Variants in CELF5 observed in about 807,000 individuals in gnomAD.
CELF5 encodes CUGBP Elav-like family member 5.
Under a neutral mutation model 54.9 loss-of-function variants are expected in CELF5, and 6 were observed. That is an observed-to-expected ratio of 0.11 (90% CI 0.06 to 0.22). CELF5 has a LOEUF of 0.22. Ranked by LOEUF, CELF5 falls within the 10% of genes least tolerant of loss-of-function variation. CELF5 has a pLI of 1.00. For missense variants in CELF5, 401 were observed against 678.6 expected, an observed-to-expected ratio of 0.59 and a Z score of 4.54; for synonymous variants, 271 against 290.9, an observed-to-expected ratio of 0.93 and a Z score of 0.70.
rs71164666 is a variant in CELF5 at position 3,226,440 on chromosome 19, TCACACACACACA to T, written c.259+1467_259+1478del. Among the ~76,000 whole-genome samples, 5 of 118,872 alleles carry T rather than the reference TCACACACACACA, an allele frequency of 4.2e-5. No individual in the cohort carries two copies. In the South Asian group the frequency reaches 1.6e-3, roughly 37 times the overall value. 78.0% of individuals were successfully genotyped at this position (118,872 alleles called of 152,430 possible). ...CCCCATCTCTTTTCAAAACCAACCA[TCACACACACACA>T]CACACACACACACACACACACACAA... On this transcript the variant is annotated intron_variant, in intron 1 of 12. Transcript: ENST00000292672.
rs56977899 is a variant in CELF5, at chr19:3,248,853, TCTTCCTTCCTTCCTTCCTTCCTTC to T, written c.260-2100_260-2077del. On this transcript the variant is annotated intron_variant, in intron 1 of 12. Transcript: ENST00000292672. ...CCTACTACAAACTTTTTTCTTTCTTTCTTCCTTCCTTCCTTCCTTCCTTCCTTCCTTCCTTCCTTCCTTCCTTCC... is the reference window on the plus strand; with the variant it reads ...CCTACTACAAACTTTTTTCTTTCTTTCTTCCTTCCTTCCTTCCTTCCTTCC... Among the ~76,000 whole-genome samples, 769 of 118,912 alleles carry T rather than the reference TCTTCCTTCCTTCCTTCCTTCCTTC, an allele frequency of 6.5e-3. 9 individuals are homozygous for T. The highest frequency in any genetic ancestry group is 0.021 in the Middle Eastern group (5 of 236). 78.0% of individuals were successfully genotyped at this position (118,912 alleles called of 152,430 possible).
chr19:3,273,993 C>T (rs1372752684), intron 3 of CELF5, 70 bp downstream of exon 3: 3 of 1,490,878 alleles, frequency 2.0e-6, no homozygotes, highest in Admixed American at 1.7e-5. Flanking sequence ...AAATCTCTTC[C>T]TTCCTCTCTC....
chr19:3,276,406 G>C (rs998684998), intron 4 of CELF5, among the ~76,000 whole-genome samples: 1 of 151,788 alleles, frequency 6.6e-6, no homozygotes, highest in Non-Finnish European at 1.5e-5. Flanking sequence ...AGGCTGCAAG[G>C]GTGGGGTCTT....
chr19:3,276,793 C>T (rs1431330973), intron 4 of CELF5, among the ~76,000 whole-genome samples: 1 of 108,512 alleles, frequency 9.2e-6, no homozygotes, highest in Non-Finnish European at 1.8e-5. Context: ...TGGGATGAGG[C>T]GGTGTCTGGT....
At chr19:3,248,756 G>T (rs143059342) in intron 1 of CELF5, among the ~76,000 whole-genome samples, 231 of 152,122 alleles carry the variant, frequency 1.5e-3, no homozygotes, top group African/African-American at 5.1e-3. Flanking sequence ...GCTGGCTTCC[G>T]TGGTAATTTT....
chr19:3,267,438 G>A (rs2079899104), intron 2 of CELF5, among the ~76,000 whole-genome samples: 1 of 152,186 alleles, frequency 6.6e-6, no homozygotes, highest in Non-Finnish European at 1.5e-5. Flanking sequence ...TGGAATTGAG[G>A]CTCAGATTCC....
intron 11 of CELF5, among the ~76,000 whole-genome samples, chr19:3,292,911 A>G (rs2080375060): frequency 6.6e-6 from 1 of 152,062 alleles, no homozygotes; most frequent in Admixed American, 6.6e-5. Context: ...CCTTCTGCAA[A>G]AAAAAGAGAG....
At chr19:3,280,304 G>A (rs1237236578) in intron 5 of CELF5, among the ~76,000 whole-genome samples, 1 of 152,234 alleles carries the variant, frequency 6.6e-6, no homozygotes, top group Non-Finnish European at 1.5e-5. Context: ...GGGGCTGGGC[G>A]TGGTGGCTGT....
At chr19:3,274,731 G>A (rs1484997347) in intron 3 of CELF5, among the ~76,000 whole-genome samples, 1 of 152,144 alleles carries the variant, frequency 6.6e-6, no homozygotes, top group Non-Finnish European at 1.5e-5. Context: ...AGCCAGATTT[G>A]GTTGAGTGGA....
At chr19:3,250,928 G>C in intron 1 of CELF5, 57 bp from the exon 2 acceptor site, 1 of 1,319,880 alleles carries the variant, frequency 7.6e-7, no homozygotes. Flanking sequence ...GGGTGGTGCT[G>C]CTGTGACCAT....
chr19:3,250,939 G>C, intron 1 of CELF5, 46 bp from the exon 2 acceptor site: 1 of 1,432,550 alleles, frequency 7.0e-7, no homozygotes, highest in Non-Finnish European at 9.8e-7. Flanking sequence ...CTGTGACCAT[G>C]GGTGTGCCCG....
At chr19:3,274,207 C>T (rs1440801888) in intron 3 of CELF5, among the ~76,000 whole-genome samples, 1 of 152,136 alleles carries the variant, frequency 6.6e-6, no homozygotes, top group Non-Finnish European at 1.5e-5. Context: ...GTTTGAAATA[C>T]TCCACTCCCT....
rs1199081852 is a variant in CELF5, at chr19:3,282,275, T to C, written c.892+8T>C. The stretch of plus-strand genomic sequence containing the variant: ...CCATCGCTCCTGCCTCTGGTGAGCC[T>C]CCTCCAGGCACCCAAGGATGGGTGG... On this transcript the variant is annotated splice_region_variant and intron_variant, in intron 7 of 12. Transcript: ENST00000292672. This position sits in a 1 kb window ranked among gnomAD's most constrained non-coding sequence, Gnocchi z 5.2. The C allele has an allele frequency of 2.5e-6, 4 of 1,611,204 alleles. No homozygotes were observed. The highest frequency in any genetic ancestry group is 3.4e-6 in the Non-Finnish European group (4 of 1,179,970).
At chr19:3,272,370 G>A (rs759049) in intron 2 of CELF5, among the ~76,000 whole-genome samples, 68,155 of 147,166 alleles carry the variant, frequency 0.46, 15,700 homozygotes, top group East Asian at 0.68. Context: ...TCCGTCCCAA[G>A]AAAAAAAAAG....
chr19:3,247,865 G>A (rs549458419), intron 1 of CELF5, among the ~76,000 whole-genome samples: 1 of 152,012 alleles, frequency 6.6e-6, no homozygotes, highest in South Asian at 2.1e-4. Flanking sequence ...GGGTTCAAAC[G>A]ATTCTCATGA....
rs2079910115 is a variant in CELF5 at position 3,268,208 on chromosome 19, A to C, written c.343-5664A>C. Reference sequence around the variant, plus strand: ...GAGATGCGGTTTTACCGTGTTGGCCAGGCTGGTCTCGAACTCCTGACCTCA... The same window carrying C: ...GAGATGCGGTTTTACCGTGTTGGCCCGGCTGGTCTCGAACTCCTGACCTCA... On this transcript the variant is annotated intron_variant, in intron 2 of 12. Transcript: ENST00000292672. This position sits in a 1 kb window ranked among gnomAD's most constrained non-coding sequence, Gnocchi z 4.4. 6.6e-6 allele frequency among the ~76,000 whole-genome samples: 1 copy of C among 151,994 alleles called. No homozygotes were observed. The highest frequency in any genetic ancestry group is 6.6e-5 in the Admixed American group (1 of 15,260).
At chr19:3,267,370 G>C (rs2079898203) in intron 2 of CELF5, among the ~76,000 whole-genome samples, 1 of 152,226 alleles carries the variant, frequency 6.6e-6, no homozygotes, top group Non-Finnish European at 1.5e-5. Context: ...TTCTGGAATA[G>C]GATCCGAAAT....
In CELF5 at chr19:3,285,234, T is replaced by A. The variant is rs538904366; in HGVS notation, c.1102+270T>A. Among the ~76,000 whole-genome samples, 23 of 152,150 alleles carry A rather than the reference T, an allele frequency of 1.5e-4. No individual in the cohort carries two copies. In the South Asian group the frequency reaches 4.4e-3, roughly 29 times the overall value. On this transcript the variant is annotated intron_variant, in intron 9 of 12. Transcript: ENST00000292672. ...GCTTACCCATGGCCTTACCCTCTCATGTTCTGTGTTGGGGAGAGGGAATTC... is the reference window on the plus strand; with the variant it reads ...GCTTACCCATGGCCTTACCCTCTCAAGTTCTGTGTTGGGGAGAGGGAATTC...
At chr19:3,271,726 T>G (rs1599452114) in intron 2 of CELF5, among the ~76,000 whole-genome samples, 1 of 147,568 alleles carries the variant, frequency 6.8e-6, no homozygotes, top group Non-Finnish European at 1.5e-5. Flanking sequence ...GGGTGGGAGG[T>G]GGAAATCCAG....
Sources: allele counts gnomAD v4.1 joint callset (sites outside exome capture counted in the v4.1 genomes callset), GRCh38; gene constraint gnomAD v4.1.1; non-coding constraint Gnocchi (gnomAD v3.1); transcripts MANE v1.5; gene names NCBI Gene and HGNC (gene_info 2026-07-23, HGNC 2026-07-21).